The following DDX47 variants were observed in gnomAD, a reference collection of about 807,000 sequenced individuals.
The protein encoded by DDX47 is DEAD-box helicase 47.
DDX47 carries 60 observed loss-of-function variants against 58.8 expected under a neutral mutation model. That is an observed-to-expected ratio of 1.02 (90% CI 0.83 to 1.26). The LOEUF (loss-of-function observed/expected upper bound fraction) is 1.26. Ranked by LOEUF, DDX47 falls within the 50% of genes most tolerant of loss-of-function variation. DDX47 has a pLI of 0.00. For missense variants in DDX47, 530 were observed against 573.2 expected (o/e 0.92, Z 0.77); for synonymous variants, 197 against 204.6 (o/e 0.96, Z 0.32).
At position 12,826,034 on chromosome 12, in the gene DDX47, C is replaced by G. The variant is rs769181617; in HGVS notation, c.1070C>G (p.Ala357Gly). The G allele has an allele frequency of 1.9e-6, 3 of 1,613,804 alleles. No individual in the cohort carries two copies. The highest frequency in any genetic ancestry group is 2.5e-6 in the Non-Finnish European group (3 of 1,179,838). The change falls in exon 10 of 12, where the codon GCT (alanine) becomes GGT (glycine). Residue 357 changes from alanine (A) to glycine (G), a missense_variant. Coordinates refer to ENST00000358007, the MANE Select transcript of DDX47 (RefSeq NM_016355.4). ...CATCGAGTAGGTCGAACAGCTAGAGCTGGGCGCTCCGGAAAGGCTATTACT... is the reference window on the plus strand; with the variant it reads ...CATCGAGTAGGTCGAACAGCTAGAGGTGGGCGCTCCGGAAAGGCTATTACT... The part of the protein sequence containing the change: ...YIHRVGRTAR[A>G]GRSGKAITFV...
chr12:12,829,049 G>C (rs187998626), intron 11 of DDX47, among the ~76,000 whole-genome samples: 1 of 152,272 alleles, frequency 6.6e-6, no homozygotes, highest in Non-Finnish European at 1.5e-5. Flanking sequence ...GTTGGGCCAA[G>C]GGACATACAC....
At chr12:12,814,450 A>G (rs1862866025) in intron 2 of DDX47, 1 of 460,526 alleles carries the variant, frequency 2.2e-6, no homozygotes, top group Non-Finnish European at 4.0e-6. Flanking sequence ...GACTTTAAGG[A>G]AGCCCTAGGT....
At chr12:12,817,626 C>T (rs531820209) in intron 2 of DDX47, among the ~76,000 whole-genome samples, 61 of 152,244 alleles carry the variant, frequency 4.0e-4, no homozygotes, top group African/African-American at 1.3e-3. Context: ...ATATAGCAAG[C>T]GCTTATGTTC....
Position 12,829,610 on chromosome 12 carries a change from A to G in DDX47, c.*56A>G. The G allele has an allele frequency of 6.3e-7, 1 of 1,584,904 alleles. No individual in the cohort carries two copies. Among genetic ancestry groups the G allele is most frequent in the Non-Finnish European group, 8.6e-7 (1 of 1,164,312 alleles). On this transcript the variant is annotated 3_prime_UTR_variant, in exon 12 of 12. Transcript: ENST00000358007. ...TCTGTAAAAGAGAATTGGAGAATGAAACCTGCTCCAACAGAGATCATGAGA... is the reference window on the plus strand; with the variant it reads ...TCTGTAAAAGAGAATTGGAGAATGAGACCTGCTCCAACAGAGATCATGAGA...
At chr12:12,827,105 C>T (rs888762484) in intron 10 of DDX47, 141 bp from the exon 11 acceptor site, 3 of 1,092,180 alleles carry the variant, frequency 2.7e-6, no homozygotes, top group Non-Finnish European at 3.9e-6. Context: ...TGCACTTAAC[C>T]CATATTTAGA....
intron 11 of DDX47, among the ~76,000 whole-genome samples, chr12:12,828,215 C>G (rs1446539671): frequency 6.6e-6 from 1 of 152,008 alleles, no homozygotes. Context: ...CCATGCCTGA[C>G]CTCGTGTGAC....
In DDX47 at chr12:12,827,313, C is replaced by G. The variant is rs1481983477; in HGVS notation, c.1174C>G (p.Gln392Glu). Residue 392 changes from glutamine (Q) to glutamate (E), a missense_variant, in exon 11 of 12, where the codon CAG becomes GAG. Gln to Glu is a conservative substitution (Grantham distance 29). Transcript: ENST00000358007. Reference sequence around the variant, plus strand: ...GAAGAAACTACCAGGTTTTCCAACACAGGATGATGAGGTTATGATGCTGAC... The same window carrying G: ...GAAGAAACTACCAGGTTTTCCAACAGAGGATGATGAGGTTATGATGCTGAC... ...IGKKLPGFPT[Q>E]DDEVMMLTER... 1.2e-6 allele frequency: 2 copies of G among 1,614,134 alleles called. No homozygotes were observed. The highest frequency in any genetic ancestry group is 1.7e-6 in the Non-Finnish European group (2 of 1,180,002).
intron 10 of DDX47, among the ~76,000 whole-genome samples, chr12:12,826,675 C>G (rs1250853078): frequency 1.3e-5 from 2 of 152,160 alleles, no homozygotes; most frequent in Admixed American, 1.3e-4. Context: ...GTCTTGAACT[C>G]CTGAGCTCAA....
At chr12:12,826,093 C>T (rs141941335) in intron 10 of DDX47, 23 bp downstream of exon 10, 10 of 1,604,332 alleles carry the variant, frequency 6.2e-6, no homozygotes, top group African/African-American at 2.7e-5. Flanking sequence ...GCTTTAGGGC[C>T]GAGCAATGTA....
rs149396944 is a variant in DDX47, at chr12:12,823,245, T to C, written c.676T>C (p.Cys226Arg). Residue 226 changes from cysteine (C) to arginine (R), a missense_variant, in exon 7 of 12, where the codon TGT becomes CGT. Cys to Arg is a radical substitution (Grantham distance 180). Coordinates refer to ENST00000358007, the MANE Select transcript of DDX47 (RefSeq NM_016355.4). ...AGCAGCTCTGAAGAATCCTGTGAAA[T>C]GTGCCGTTTCCTCTAAATACCAGAC... is the stretch of plus-strand genomic sequence containing the variant. ...QRAALKNPVK[C>R]AVSSKYQTVE... 9 of 1,614,118 alleles carry C rather than the reference T, an allele frequency of 5.6e-6. No individual in the cohort carries two copies. The East Asian group carries it at 1.6e-4, about 28-fold the overall frequency.
In DDX47 at chr12:12,821,424, A is replaced by G. The variant is rs376422558; in HGVS notation, c.370+28A>G. 4.3e-6 allele frequency: 7 copies of G among 1,612,986 alleles called. No individual in the cohort carries two copies. The African/African-American group carries it at 6.7e-5, about 15-fold the overall frequency. The stretch of plus-strand genomic sequence containing the variant: ...AAGTGTCTGAGAGGGAAGGGATCCT[A>G]GGTTGCCATCACAAGTGAAGAATGA... On this transcript the variant is annotated intron_variant, in intron 3 of 11. Transcript: ENST00000358007.
chr12:12,820,718 C>G (rs778198828), intron 2 of DDX47: 15 of 162,384 alleles, frequency 9.2e-5, no homozygotes, highest in Non-Finnish European at 1.9e-4. Context: ...TCAGACTGGT[C>G]TCGAACTCCC....
intron 10 of DDX47, 104 bp downstream of exon 10, chr12:12,826,174 C>A (rs773598415): frequency 6.9e-6 from 6 of 874,182 alleles, no homozygotes; most frequent in Non-Finnish European, 1.0e-5. Context: ...TAATCACTTT[C>A]ATACTGAAAA....
Position 12,824,669 on chromosome 12 carries a change from C to T in DDX47, c.1027C>T (p.His343Tyr), listed in dbSNP as rs765879487. The change falls in exon 9 of 12, where the codon CAT (histidine) becomes TAT (tyrosine). Residue 343 changes from histidine to tyrosine, a missense_variant. Transcript: ENST00000358007. ...GGTTGTCAACTTTGACATTCCTACCCATTCCAAGGTGAGTCCTATTGCTAA... is the reference window on the plus strand; with the variant it reads ...GGTTGTCAACTTTGACATTCCTACCTATTCCAAGGTGAGTCCTATTGCTAA... ...DVVVNFDIPT[H>Y]SKDYIHRVGR... 1 of 1,614,034 alleles carries T rather than the reference C, an allele frequency of 6.2e-7. No individual in the cohort carries two copies.
intron 11 of DDX47, among the ~76,000 whole-genome samples, chr12:12,827,869 CTTTTTTCTTTTT>C (rs1471501075): frequency 9.1e-6 from 1 of 109,690 alleles, no homozygotes; most frequent in African/African-American, 3.4e-5. Flanking sequence ...CAAAACTTTT[CTTTTTTCTTTTT>C]TTTTTTTTTT....
intron 2 of DDX47, 170 bp downstream of exon 2, chr12:12,814,394 T>G (rs954343320): frequency 5.3e-6 from 3 of 571,074 alleles, no homozygotes; most frequent in African/African-American, 1.9e-5. Flanking sequence ...CTGAGCTTAC[T>G]TTCTGTCTTA....
chr12:12,829,434 G>C lies in DDX47; in HGVS notation c.1248G>C (p.Glu416Asp), dbSNP rs144683545. ...TTTTTTTCTTGCAGGAGTTAAGGGA[G>C]CATGGAGAAAAGAAGAAACGCTCGC... ...AQRFARMELR[E>D]HGEKKKRSRE... Residue 416 changes from glutamate (E) to aspartate (D), a missense_variant, in exon 12 of 12, where the codon GAG becomes GAC. Transcript: ENST00000358007. 107 of 1,611,836 alleles carry C rather than the reference G, an allele frequency of 6.6e-5. No individual in the cohort carries two copies. In the African/African-American group the frequency reaches 1.3e-3, roughly 20 times the overall value.
At chr12:12,815,623 A>G (rs779899747) in intron 2 of DDX47, among the ~76,000 whole-genome samples, 1 of 152,174 alleles carries the variant, frequency 6.6e-6, no homozygotes, top group Non-Finnish European at 1.5e-5. Context: ...AGAAGGATTT[A>G]GACATTCAGA....
Position 12,829,587 on chromosome 12 carries a change from T to C in DDX47, c.*33T>C. 3.1e-6 allele frequency: 5 copies of C among 1,603,442 alleles called. No individual in the cohort carries two copies. Among genetic ancestry groups the C allele is most frequent in the Non-Finnish European group, 3.4e-6 (4 of 1,175,916 alleles). On this transcript the variant is annotated 3_prime_UTR_variant, in exon 12 of 12. Transcript: ENST00000358007. The stretch of plus-strand genomic sequence containing the variant: ...TATGAAGGCTCGAGTTCTGCTGTTC[T>C]GTAAAAGAGAATTGGAGAATGAAAC...
Sources: allele counts gnomAD v4.1 joint callset (sites outside exome capture counted in the v4.1 genomes callset), GRCh38; gene constraint gnomAD v4.1.1; transcripts MANE v1.5; gene names NCBI Gene and HGNC (gene_info 2026-07-23, HGNC 2026-07-21).